Variants in APBA2 observed in about 807,000 individuals in gnomAD.
The protein encoded by APBA2 is amyloid-beta A4 precursor protein-binding family A member 2.
APBA2 carries 30 observed loss-of-function variants against 75.0 expected under a neutral mutation model. The observed-to-expected ratio is 0.40, with a 90% CI of 0.30 to 0.54. The LOEUF (loss-of-function observed/expected upper bound fraction) is 0.54. Among genes scored for constraint, APBA2 ranks in the 20% least tolerant of loss-of-function variants. The pLI is 0.49. For missense variants in APBA2, 801 were observed against 1,016.1 expected (o/e 0.79, Z 2.88); for synonymous variants, 444 against 409.6 (o/e 1.08, Z -1.01).
Position 28,935,463 on chromosome 15 carries a change from G to T in APBA2, c.-95+13714G>T, listed in dbSNP as rs1159411670. ...CTGGGCCTCCAGGCAGTGAGCTGCT[G>T]GGGGAGCCCCTCTGGAAATGGACAG... On this transcript the variant is annotated intron_variant, in intron 2 of 14. Transcript: ENST00000683413. 1.3e-5 allele frequency among the ~76,000 whole-genome samples: 2 copies of T among 152,040 alleles called. 1 individual carries two copies. The highest frequency in any genetic ancestry group is 2.9e-5 in the Non-Finnish European group (2 of 67,914).
chr15:28,962,501 G>A (rs566002442), intron 2 of APBA2, among the ~76,000 whole-genome samples: 179 of 152,060 alleles, frequency 1.2e-3, no homozygotes, highest in Non-Finnish European at 2.3e-3. Flanking sequence ...CCCAGGAGGC[G>A]GAGGTTACAG....
In APBA2 at chr15:28,955,518, C is replaced by G. The variant is rs28621860; in HGVS notation, c.-95+33769C>G. ...CCATTGTAGCTTATTTAAATTACCCCAGGAGGAACATCAGCTCTGTTCAAG... is the reference window on the plus strand; with the variant it reads ...CCATTGTAGCTTATTTAAATTACCCGAGGAGGAACATCAGCTCTGTTCAAG... On this transcript the variant is annotated intron_variant, in intron 2 of 14. Transcript: ENST00000683413. Among the ~76,000 whole-genome samples the G allele has an allele frequency of 7.7e-3, 1,170 of 152,286 alleles. 22 individuals carry two copies. Among genetic ancestry groups the G allele is most frequent in the African/African-American group, 0.027 (1,135 of 41,558 alleles).
rs529908704 is a variant in APBA2 at position 28,984,459 on chromosome 15, C to T, written c.-94-11294C>T. ...AGCCACTGGGTGGCTGATACTGCCA[C>T]CCAGTTCTGAGCCAGTATCAGCTTC... On this transcript the variant is annotated intron_variant, in intron 2 of 14. Coordinates refer to ENST00000683413, the MANE Select transcript of APBA2 (RefSeq NM_001353788.2). 2.0e-5 allele frequency among the ~76,000 whole-genome samples: 3 copies of T among 152,206 alleles called. No individual in the cohort carries two copies. The South Asian group carries it at 6.2e-4, about 32-fold the overall frequency.
intron 8 of APBA2, 69 bp from the exon 9 acceptor site, chr15:29,098,420 TA>T (rs2043954659): frequency 8.7e-6 from 9 of 1,038,898 alleles, no homozygotes; most frequent in Middle Eastern, 2.0e-4. Context: ...CATTTTGTCA[TA>T]ATGCTATTTG....
At chr15:28,947,310 C>T (rs1296076709) in intron 2 of APBA2, among the ~76,000 whole-genome samples, 1 of 152,178 alleles carries the variant, frequency 6.6e-6, no homozygotes, top group Admixed American at 6.5e-5. Flanking sequence ...GCTCCCCATC[C>T]CTCTGTGGGT....
At chr15:28,897,078 G>T (rs1328874580) in intron 1 of APBA2, among the ~76,000 whole-genome samples, 8 of 152,040 alleles carry the variant, frequency 5.3e-5, no homozygotes, top group Non-Finnish European at 1.5e-5. Context: ...ATCTGCCAGT[G>T]TCTTAGTGGA....
chr15:29,050,323 A>G (rs2041534686), intron 3 of APBA2, among the ~76,000 whole-genome samples: 1 of 152,224 alleles, frequency 6.6e-6, no homozygotes, highest in Non-Finnish European at 1.5e-5. Context: ...TATAGATACA[A>G]AAGAGTTACC....
chr15:28,988,991 G>A lies in APBA2; in HGVS notation c.-94-6762G>A, dbSNP rs542079952. ...GACATTTTACATTTTTGTCTAATGC[G>A]TGAAAGTGCTGTCTACATGAGGTAT... On this transcript the variant is annotated intron_variant, in intron 2 of 14. Transcript: ENST00000683413. 2.0e-3 allele frequency among the ~76,000 whole-genome samples: 307 copies of A among 152,266 alleles called. 2 individuals are homozygous for A. Among genetic ancestry groups the A allele is most frequent in the African/African-American group, 6.7e-3 (277 of 41,542 alleles).
intron 3 of APBA2, among the ~76,000 whole-genome samples, chr15:29,044,847 G>T (rs145994554): frequency 1.3e-5 from 2 of 152,170 alleles, no homozygotes; most frequent in Admixed American, 6.5e-5. Flanking sequence ...AGACTTGGTG[G>T]CTCCAACAGC....
chr15:28,972,821 T>C (rs1232097224), intron 2 of APBA2, among the ~76,000 whole-genome samples: 2 of 152,240 alleles, frequency 1.3e-5, no homozygotes, highest in African/African-American at 2.4e-5. Flanking sequence ...GTCTGCTTTT[T>C]ATGTCACTGT....
chr15:29,083,444 A>AT (rs545121384), intron 6 of APBA2, among the ~76,000 whole-genome samples: 261 of 152,026 alleles, frequency 1.7e-3, no homozygotes, highest in African/African-American at 6.1e-3. Flanking sequence ...TCCATTTCAG[A>AT]TTTTTTTCCT....
intron 1 of APBA2, among the ~76,000 whole-genome samples, chr15:28,901,335 C>T (rs867625942): frequency 2.6e-5 from 4 of 152,142 alleles, no homozygotes; most frequent in Middle Eastern, 3.4e-3. Context: ...CTGAGCCCCG[C>T]CCCACCCTCC....
At chr15:29,030,791 G>A (rs2040453136) in intron 3 of APBA2, among the ~76,000 whole-genome samples, 1 of 151,398 alleles carries the variant, frequency 6.6e-6, no homozygotes, top group Non-Finnish European at 1.5e-5. Context: ...CTATTTGTTA[G>A]GTACGGGGTT....
intron 3 of APBA2, among the ~76,000 whole-genome samples, chr15:29,051,932 C>T (rs1398000592): frequency 6.6e-6 from 1 of 152,162 alleles, no homozygotes; most frequent in East Asian, 1.9e-4. Context: ...CTCCACTGTC[C>T]TCTCTACTGT....
chr15:29,005,562 C>T (rs748722638), intron 3 of APBA2, among the ~76,000 whole-genome samples: 5 of 152,128 alleles, frequency 3.3e-5, no homozygotes, highest in Non-Finnish European at 7.4e-5. Flanking sequence ...GCTCTTGCTG[C>T]TTTTTAAATA....
At chr15:28,960,122 C>T (rs1036216112) in intron 2 of APBA2, among the ~76,000 whole-genome samples, 3 of 146,816 alleles carry the variant, frequency 2.0e-5, no homozygotes, top group Admixed American at 6.9e-5. Flanking sequence ...TTCAGTCAGC[C>T]CAGGTGACAG....
At chr15:28,980,405 T>C (rs2037559720) in intron 2 of APBA2, among the ~76,000 whole-genome samples, 1 of 152,206 alleles carries the variant, frequency 6.6e-6, no homozygotes. Flanking sequence ...AACATCAATG[T>C]AGAAAAGTCA....
intron 2 of APBA2, among the ~76,000 whole-genome samples, chr15:28,934,716 A>G (rs564631917): frequency 4.9e-4 from 74 of 152,138 alleles, no homozygotes; most frequent in African/African-American, 1.7e-3. Context: ...GAGATGGTTC[A>G]CCTCTGAAGG....
chr15:29,116,528 T>C (rs1245961758), intron 14 of APBA2, among the ~76,000 whole-genome samples: 1 of 150,734 alleles, frequency 6.6e-6, no homozygotes, highest in Non-Finnish European at 1.5e-5. Flanking sequence ...CTGAGGAGGC[T>C]GAGGCAGGAG....
Sources: gnomAD v4.1 joint callset for allele counts (sites outside exome capture counted in the v4.1 genomes callset) on GRCh38, gnomAD v4.1.1 for gene constraint, MANE v1.5 for transcripts, NCBI Gene and HGNC (gene_info 2026-07-23, HGNC 2026-07-21) for gene names.